Variants in GRXCR1 observed in about 807,000 individuals in gnomAD.
GRXCR1 encodes glutaredoxin and cysteine rich domain containing 1, also known as glutaredoxin domain-containing cysteine-rich protein 1.
In GRXCR1, 27 loss-of-function variants were observed where a neutral mutation model predicts 27.3. The observed-to-expected ratio is 0.99, with a 90% CI of 0.73 to 1.37. The LOEUF is 1.37. GRXCR1 is among the 40% of genes most tolerant of loss of function. GRXCR1 has a pLI of 0.00. For synonymous variants in GRXCR1, 122 were observed against 131.1 expected, an observed-to-expected ratio of 0.93 and a Z score of 0.47; for missense variants, 379 against 354.4, an observed-to-expected ratio of 1.07 and a Z score of -0.56.
At chr4:42,969,151 CTA>C (rs940625774) in intron 2 of GRXCR1, among the ~76,000 whole-genome samples, 5 of 152,026 alleles carry the variant, frequency 3.3e-5, no homozygotes, top group Non-Finnish European at 5.9e-5. Flanking sequence ...AAAATAATAA[CTA>C]GTGTCATAAA....
intron 1 of GRXCR1, among the ~76,000 whole-genome samples, chr4:42,940,460 A>G (rs141271475): frequency 1.3e-5 from 2 of 152,176 alleles, no homozygotes; most frequent in African/African-American, 2.4e-5. Context: ...TGTTGTAAGG[A>G]TGGGAGCAAC....
chr4:42,921,593 C>A (rs925103603), intron 1 of GRXCR1, among the ~76,000 whole-genome samples: 3 of 151,916 alleles, frequency 2.0e-5, no homozygotes, highest in African/African-American at 7.2e-5. Flanking sequence ...TACTCAGTCC[C>A]TCTCTAAACA....
intron 2 of GRXCR1, among the ~76,000 whole-genome samples, chr4:42,964,979 C>T (rs1226158367): frequency 6.6e-6 from 1 of 152,034 alleles, no homozygotes; most frequent in Non-Finnish European, 1.5e-5. Flanking sequence ...TGTGGAATTT[C>T]AACTCCTGTG....
chr4:42,930,060 C>G (rs1747267617), intron 1 of GRXCR1, among the ~76,000 whole-genome samples: 1 of 151,920 alleles, frequency 6.6e-6, no homozygotes, highest in Non-Finnish European at 1.5e-5. Context: ...TCTCTCTGTC[C>G]ATTCTTGATC....
intron 2 of GRXCR1, among the ~76,000 whole-genome samples, chr4:43,010,814 C>A (rs1712727169): frequency 2.0e-5 from 3 of 152,172 alleles, no homozygotes; most frequent in Non-Finnish European, 2.9e-5. Flanking sequence ...AGTATTACTT[C>A]CACTAGTCTT....
intron 1 of GRXCR1, among the ~76,000 whole-genome samples, chr4:42,910,042 C>A (rs1746686292): frequency 6.6e-6 from 1 of 152,066 alleles, no homozygotes; most frequent in African/African-American, 2.4e-5. Context: ...CTGGGGAGGC[C>A]TCAGGAAGCT....
chr4:42,992,979 C>T (rs1286539565), intron 2 of GRXCR1, among the ~76,000 whole-genome samples: 1 of 151,810 alleles, frequency 6.6e-6, no homozygotes, highest in Non-Finnish European at 1.5e-5. Context: ...AAGGCTTTTT[C>T]CCCCCTTCCT....
chr4:43,006,280 G>A (rs556594809), intron 2 of GRXCR1, among the ~76,000 whole-genome samples: 2 of 152,102 alleles, frequency 1.3e-5, no homozygotes, highest in African/African-American at 4.8e-5. Flanking sequence ...AAAAAGAACA[G>A]GATAAGAGCA....
intron 2 of GRXCR1, among the ~76,000 whole-genome samples, chr4:42,987,821 T>C (rs1711829517): frequency 6.6e-6 from 1 of 152,198 alleles, no homozygotes; most frequent in African/African-American, 2.4e-5. Flanking sequence ...TTTAGATCTC[T>C]ACAAAACGTC....
At chr4:42,996,299 G>A (rs1227569701) in intron 2 of GRXCR1, among the ~76,000 whole-genome samples, 2 of 152,140 alleles carry the variant, frequency 1.3e-5, no homozygotes, top group Non-Finnish European at 2.9e-5. Flanking sequence ...GTGCTCTGCT[G>A]TGGCTAATAC....
At chr4:42,989,773 A>G (rs1386732791) in intron 2 of GRXCR1, among the ~76,000 whole-genome samples, 3 of 152,152 alleles carry the variant, frequency 2.0e-5, no homozygotes, top group African/African-American at 7.2e-5. Flanking sequence ...GCAATAAACA[A>G]GTGTTTCTTC....
At chr4:42,918,015 T>G in intron 1 of GRXCR1, among the ~76,000 whole-genome samples, 1 of 152,220 alleles carries the variant, frequency 6.6e-6, no homozygotes, top group East Asian at 1.9e-4. Context: ...GAAATATATA[T>G]CTGCATAATT....
intron 1 of GRXCR1, among the ~76,000 whole-genome samples, chr4:42,938,262 T>C (rs996095894): frequency 2.0e-5 from 3 of 152,056 alleles, no homozygotes; most frequent in African/African-American, 7.2e-5. Context: ...TCTCATTCTT[T>C]TTTATGGCTG....
At chr4:43,030,325 C>G (rs1416308631) in intron 3 of GRXCR1, 36 bp from the exon 4 acceptor site, 6 of 1,596,630 alleles carry the variant, frequency 3.8e-6, no homozygotes. Context: ...CTAACACATC[C>G]TCTGTTTTCT....
chr4:42,996,214 T>G (rs1415106945), intron 2 of GRXCR1, among the ~76,000 whole-genome samples: 1 of 152,210 alleles, frequency 6.6e-6, no homozygotes, highest in Non-Finnish European at 1.5e-5. Context: ...TTATAAATCC[T>G]GCTTTATATG....
intron 1 of GRXCR1, 48 bp from the exon 2 acceptor site, chr4:42,962,844 C>T (rs371149861): frequency 6.2e-7 from 1 of 1,607,892 alleles, no homozygotes; most frequent in Non-Finnish European, 8.5e-7. Context: ...TCATAAGACA[C>T]AAGAAAGTAA....
intron 2 of GRXCR1, among the ~76,000 whole-genome samples, chr4:42,964,971 T>C (rs1340808862): frequency 6.6e-6 from 1 of 152,068 alleles, no homozygotes; most frequent in East Asian, 1.9e-4. Flanking sequence ...TTTCCCATTG[T>C]GGAATTTCAA....
Position 42,892,866 on chromosome 4 carries a change from A to T in GRXCR1, c.-401A>T, listed in dbSNP as rs1746264782. ...CTAACCTCTGGTTTGGACAATGAAT[A>T]GTAGAGACATGTCCACTGCTCAGGT... On this transcript the variant is annotated 5_prime_UTR_variant, in exon 1 of 4. Coordinates refer to ENST00000399770, the MANE Select transcript of GRXCR1 (RefSeq NM_001080476.3). 6.6e-6 allele frequency among the ~76,000 whole-genome samples: 1 copy of T among 152,162 alleles called. No homozygotes were observed. The highest frequency in any genetic ancestry group is 2.4e-5 in the African/African-American group (1 of 41,442).
chr4:42,911,328 AAAAGC>A (rs1241832387), intron 1 of GRXCR1, among the ~76,000 whole-genome samples: 1 of 152,170 alleles, frequency 6.6e-6, no homozygotes, highest in Non-Finnish European at 1.5e-5. Flanking sequence ...ATATAATCAA[AAAAGC>A]AATAGCAACA....
Sources: gnomAD v4.1 joint callset for allele counts (sites outside exome capture counted in the v4.1 genomes callset) on GRCh38, gnomAD v4.1.1 for gene constraint, MANE v1.5 for transcripts, NCBI Gene and HGNC (gene_info 2026-07-23, HGNC 2026-07-21) for gene names.